The following THSD7A variants were observed in gnomAD, a reference collection of about 807,000 sequenced individuals.
THSD7A encodes thrombospondin type 1 domain containing 7A.
THSD7A carries 96 observed loss-of-function variants against 231.3 expected under a neutral mutation model. That is an observed-to-expected ratio of 0.41 (90% CI 0.35 to 0.49). The LOEUF is 0.49. Among genes scored for constraint, THSD7A ranks in the 20% least tolerant of loss-of-function variants. The pLI, the probability that THSD7A is intolerant of heterozygous loss-of-function variation, is 0.05. For synonymous variants in THSD7A, 940 were observed against 743.3 expected, an observed-to-expected ratio of 1.26 and a Z score of -4.30; for missense variants, 2,290 against 2,070.2, an observed-to-expected ratio of 1.11 and a Z score of -2.06.
chr7:11,399,385 T>C (rs76300635), intron 23 of THSD7A, among the ~76,000 whole-genome samples: 2 of 152,222 alleles, frequency 1.3e-5, no homozygotes, highest in South Asian at 2.1e-4. Context: ...GCTTTTTTTT[T>C]CCTCTTCACT....
At chr7:11,615,436 A>G (rs1276865160) in intron 2 of THSD7A, among the ~76,000 whole-genome samples, 1 of 151,516 alleles carries the variant, frequency 6.6e-6, no homozygotes, top group Non-Finnish European at 1.5e-5. Flanking sequence ...TGTTTCCTTG[A>G]CTCCCCCAGG....
At chr7:11,635,930 G>C (rs747766235) in intron 2 of THSD7A, among the ~76,000 whole-genome samples, 200 bp downstream of exon 2, 4 of 151,918 alleles carry the variant, frequency 2.6e-5, no homozygotes, top group Admixed American at 6.6e-5. Flanking sequence ...AATAACTCAA[G>C]TAATACAGGG....
At chr7:11,560,447 T>C (rs1790030163) in intron 4 of THSD7A, among the ~76,000 whole-genome samples, 1 of 98,592 alleles carries the variant, frequency 1.0e-5, no homozygotes. Flanking sequence ...ACTATAAAAT[T>C]TGTCTAAGCA....
intron 1 of THSD7A, among the ~76,000 whole-genome samples, chr7:11,652,162 A>G (rs1782529697): frequency 6.6e-6 from 1 of 151,944 alleles, no homozygotes; most frequent in African/African-American, 2.4e-5. Flanking sequence ...TTCCCCATGC[A>G]TATCATAAAC....
intron 13 of THSD7A, among the ~76,000 whole-genome samples, chr7:11,442,175 T>C (rs1210822602): frequency 2.0e-5 from 3 of 152,002 alleles, no homozygotes; most frequent in Admixed American, 2.0e-4. Context: ...TTTATGTGGC[T>C]CCCAAAGAAT....
At chr7:11,625,100 C>T (rs1781436637) in intron 2 of THSD7A, among the ~76,000 whole-genome samples, 1 of 151,900 alleles carries the variant, frequency 6.6e-6, no homozygotes, top group African/African-American at 2.4e-5. Context: ...TTAGGATGTA[C>T]ATCTCTGTTT....
At chr7:11,737,576 A>C (rs1426576832) in intron 1 of THSD7A, among the ~76,000 whole-genome samples, 1 of 152,036 alleles carries the variant, frequency 6.6e-6, no homozygotes, top group Non-Finnish European at 1.5e-5. Flanking sequence ...GCTCAGGGAA[A>C]CCTGAAACAG....
intron 1 of THSD7A, among the ~76,000 whole-genome samples, chr7:11,640,861 C>T (rs1782052924): frequency 1.3e-5 from 2 of 152,050 alleles, no homozygotes; most frequent in Non-Finnish European, 2.9e-5. Flanking sequence ...TCTTTTCCCA[C>T]TTTATAAAAA....
chr7:11,555,784 C>T (rs547326244), intron 4 of THSD7A, among the ~76,000 whole-genome samples: 3 of 151,014 alleles, frequency 2.0e-5, no homozygotes, highest in Non-Finnish European at 4.4e-5. Flanking sequence ...AATTCCTTTG[C>T]CTTCTTGGTG....
chr7:11,737,950 G>A (rs1781972682), intron 1 of THSD7A, among the ~76,000 whole-genome samples: 1 of 152,068 alleles, frequency 6.6e-6, no homozygotes, highest in Admixed American at 6.6e-5. Context: ...CAGTGGAGTT[G>A]GGAAAATGGT....
intron 1 of THSD7A, among the ~76,000 whole-genome samples, chr7:11,738,924 T>C (rs1245119226): frequency 6.6e-6 from 1 of 152,028 alleles, no homozygotes; most frequent in African/African-American, 2.4e-5. Context: ...ATTTGGGTTC[T>C]TTTAAGCCAC....
chr7:11,769,122 A>ATATATATAT lies in THSD7A; in HGVS notation c.190+62634_190+62635insATATATATA, dbSNP rs1491347103. The stretch of plus-strand genomic sequence containing the variant: ...ACAGGCACCTGCCATAATTCCTGGC[A>ATATATATAT]ATATATATATATATATATATATATA... On this transcript the variant is annotated intron_variant, in intron 1 of 27. Transcript: ENST00000423059. Among the ~76,000 whole-genome samples, 304 of 35,854 alleles carry ATATATATAT rather than the reference A, an allele frequency of 8.5e-3. 61 individuals carry two copies. The highest frequency in any genetic ancestry group is 0.025 in the Admixed American group (59 of 2,322). The allele number at this position is 35,854 out of a possible 152,430, so 23.5% of individuals were successfully genotyped here. A position where few individuals can be genotyped will look rare whatever the true frequency, so the allele number is the denominator to read the frequency against.
intron 4 of THSD7A, among the ~76,000 whole-genome samples, chr7:11,547,378 C>G (rs913900696): frequency 6.6e-6 from 1 of 152,158 alleles, no homozygotes; most frequent in Admixed American, 6.5e-5. Flanking sequence ...AGAAACAAAA[C>G]CCAACTGTAC....
chr7:11,437,964 A>G (rs1784686203), intron 13 of THSD7A, among the ~76,000 whole-genome samples: 1 of 152,048 alleles, frequency 6.6e-6, no homozygotes, highest in African/African-American at 2.4e-5. Context: ...GTCTATTTGT[A>G]AATTGGGTAT....
rs1382510348 is a variant in THSD7A, at chr7:11,637,219, G to A, written c.191-258C>T. On this transcript the variant is annotated intron_variant, in intron 1 of 27. Transcript: ENST00000423059. This position sits in a 1 kb window ranked among gnomAD's most constrained non-coding sequence, Gnocchi z 4.2. Reference sequence around the variant, plus strand: ...GTCCTTTAGGGATTACGAAAAGTTTGGTTTTGTTCATTTCCTTTGTTTTAG... The same window carrying A: ...GTCCTTTAGGGATTACGAAAAGTTTAGTTTTGTTCATTTCCTTTGTTTTAG... Among the ~76,000 whole-genome samples, 1 of 152,106 alleles carries A rather than the reference G, an allele frequency of 6.6e-6. No homozygotes were observed. The highest frequency in any genetic ancestry group is 1.5e-5 in the Non-Finnish European group (1 of 68,018).
chr7:11,655,494 T>C (rs932320915), intron 1 of THSD7A, among the ~76,000 whole-genome samples: 1 of 151,806 alleles, frequency 6.6e-6, no homozygotes, highest in African/African-American at 2.4e-5. Flanking sequence ...CCTAAAAACC[T>C]CCAAACTAAA....
rs766918929 is a variant in THSD7A, at chr7:11,636,266, C to T, written c.886G>A (p.Ala296Thr). The T allele has an allele frequency of 1.2e-6, 2 of 1,613,990 alleles. No individual in the cohort carries two copies. Among genetic ancestry groups the T allele is most frequent in the Non-Finnish European group, 1.7e-6 (2 of 1,179,898 alleles). Residue 296 changes from alanine (A) to threonine (T), a missense_variant, in exon 2 of 28, where the codon GCC becomes ACC. By Grantham distance (58) the Ala-to-Thr change is moderately conservative. Coordinates refer to ENST00000423059, the MANE Select transcript of THSD7A (RefSeq NM_015204.3). The surrounding 1 kb of genome is among the most constrained non-coding windows in gnomAD (Gnocchi z 10.0). ...DRSKGVKDPEARELIKKKRNR... is the reference protein window; with the variant it reads ...DRSKGVKDPETRELIKKKRNR... ...CTCTTTTTCTTAATAAGCTCGCGGGCTTCTGGATCCTTTACTCCTTTGCTG... is the reference window on the plus strand; with the variant it reads ...CTCTTTTTCTTAATAAGCTCGCGGGTTTCTGGATCCTTTACTCCTTTGCTG...
At position 11,792,998 on chromosome 7, in the gene THSD7A, T is replaced by C. The variant is rs556406295; in HGVS notation, c.190+38759A>G. Among the ~76,000 whole-genome samples the C allele has an allele frequency of 2.7e-4, 41 of 152,038 alleles. 1 individual carries two copies. In the South Asian group the frequency reaches 3.7e-3, roughly 14 times the overall value. On this transcript the variant is annotated intron_variant, in intron 1 of 27. Transcript: ENST00000423059. ...GACTTCAAAGCATTATACCTGTGGA[T>C]AAATTAAAATATTGTTATATGTTTA...
chr7:11,619,233 T>C (rs532692390), intron 2 of THSD7A, among the ~76,000 whole-genome samples: 120 of 152,170 alleles, frequency 7.9e-4, no homozygotes, highest in Non-Finnish European at 1.4e-3. Flanking sequence ...ATTTTGTATA[T>C]CAATGACTAC....
Sources: allele counts gnomAD v4.1 joint callset (sites outside exome capture counted in the v4.1 genomes callset), GRCh38; gene constraint gnomAD v4.1.1; non-coding constraint Gnocchi (gnomAD v3.1); transcripts MANE v1.5; gene names NCBI Gene and HGNC (gene_info 2026-07-23, HGNC 2026-07-21).